AKIRIN1: variants seen among roughly 807,000 people sequenced by gnomAD.
AKIRIN1 encodes akirin 1.
In AKIRIN1, 4 loss-of-function variants were observed where a neutral mutation model predicts 25.9. The observed-to-expected ratio is 0.15, with a 90% CI of 0.08 to 0.35. The LOEUF is 0.35. AKIRIN1 is among the 10% of genes least tolerant of loss of function. The pLI is 1.00. For missense variants in AKIRIN1, 243 were observed against 266.1 expected, an observed-to-expected ratio of 0.91 and a Z score of 0.61; for synonymous variants, 125 against 105.1, an observed-to-expected ratio of 1.19 and a Z score of -1.16.
At chr1:38,998,098 T>A (rs749707363) in intron 1 of AKIRIN1, 73 bp from the exon 2 acceptor site, 1 of 1,487,444 alleles carries the variant, frequency 6.7e-7, no homozygotes, top group African/African-American at 1.4e-5. Flanking sequence ...TCTTTGTCTC[T>A]TCCCACTTCT....
At chr1:38,994,919 A>G (rs972215240) in intron 1 of AKIRIN1, among the ~76,000 whole-genome samples, 2 of 144,708 alleles carry the variant, frequency 1.4e-5, no homozygotes, top group Non-Finnish European at 3.0e-5. Flanking sequence ...CAAACACCTG[A>G]CCTCAGGTGA....
intron 1 of AKIRIN1, among the ~76,000 whole-genome samples, chr1:38,993,644 A>G (rs1391325959): frequency 6.6e-6 from 1 of 150,940 alleles, no homozygotes; most frequent in Non-Finnish European, 1.5e-5. Flanking sequence ...AAAAAAAAAA[A>G]AAAGAGAATG....
intron 3 of AKIRIN1, among the ~76,000 whole-genome samples, chr1:39,002,625 G>T (rs528091204): frequency 6.6e-6 from 1 of 152,232 alleles, no homozygotes; most frequent in South Asian, 2.1e-4. Context: ...AGCTACTCGG[G>T]AGGCTGAGGC....
intron 4 of AKIRIN1, 119 bp downstream of exon 4, chr1:39,003,537 TAA>T: frequency 1.1e-6 from 1 of 877,806 alleles, no homozygotes; most frequent in Non-Finnish European, 1.8e-6. Flanking sequence ...AGCACTATGC[TAA>T]GAGTATTAAA....
intron 3 of AKIRIN1, 92 bp downstream of exon 3, chr1:39,001,198 C>A: frequency 7.0e-7 from 1 of 1,421,370 alleles, no homozygotes. Flanking sequence ...AGTAGGACCT[C>A]ATGCAAGGGA....
At position 39,003,978 on chromosome 1, in the gene AKIRIN1, T is replaced by A. The variant is rs1644013571; in HGVS notation, c.569-67T>A. 27 of 1,440,114 alleles carry A rather than the reference T, an allele frequency of 1.9e-5. No individual in the cohort carries two copies. In the South Asian group the frequency reaches 2.9e-4, roughly 15 times the overall value. 89.2% of individuals were successfully genotyped at this position (1,440,114 alleles called of 1,614,324 possible). ...TTCTCACATTTACTGTTAGTGAAAATTTTTAAAGCATGACACTACAGTTTT... is the reference window on the plus strand; with the variant it reads ...TTCTCACATTTACTGTTAGTGAAAAATTTTAAAGCATGACACTACAGTTTT... On this transcript the variant is annotated intron_variant, in intron 4 of 4. Coordinates refer to ENST00000432648, the MANE Select transcript of AKIRIN1 (RefSeq NM_024595.3).
intron 3 of AKIRIN1, among the ~76,000 whole-genome samples, chr1:39,001,636 C>G (rs1047796452): frequency 6.6e-6 from 1 of 152,184 alleles, no homozygotes; most frequent in African/African-American, 2.4e-5. Flanking sequence ...AGCTCCAGGC[C>G]TCAAGAAGTA....
chr1:39,003,271 A>C, intron 3 of AKIRIN1, 76 bp from the exon 4 acceptor site: 2 of 1,397,170 alleles, frequency 1.4e-6, no homozygotes, highest in Non-Finnish European at 2.0e-6. Context: ...CTGGGAAGCT[A>C]TTTGTGATCC....
chr1:38,993,878 C>G (rs1457656303), intron 1 of AKIRIN1, among the ~76,000 whole-genome samples: 1 of 151,946 alleles, frequency 6.6e-6, no homozygotes, highest in African/African-American at 2.4e-5. Flanking sequence ...CAAGACCACC[C>G]TGACACACAT....
chr1:39,003,531 C>G (rs892464498), intron 4 of AKIRIN1, 113 bp downstream of exon 4: 1 of 952,118 alleles, frequency 1.1e-6, no homozygotes, highest in Non-Finnish European at 1.6e-6. Context: ...GTGCCCAGCA[C>G]TATGCTAAGA....
Position 39,004,393 on chromosome 1 carries a change from G to T in AKIRIN1, c.*338G>T. 2.1e-6 allele frequency: 1 copy of T among 479,052 alleles called. No individual in the cohort carries two copies. The highest frequency in any genetic ancestry group is 2.0e-5 in the South Asian group (1 of 49,886). 29.7% of individuals were successfully genotyped at this position (479,052 alleles called of 1,614,324 possible). A position where few individuals can be genotyped will look rare whatever the true frequency, so the allele number is the denominator to read the frequency against. ...ACAGTTCTGTAAGAAGTGCGTGTGA[G>T]AGTGTGTGTATATGTGTGTATGTGT... On this transcript the variant is annotated 3_prime_UTR_variant, in exon 5 of 5. Transcript: ENST00000432648.
At chr1:38,996,966 T>TA (rs975994401) in intron 1 of AKIRIN1, among the ~76,000 whole-genome samples, 3 of 152,226 alleles carry the variant, frequency 2.0e-5, no homozygotes, top group Non-Finnish European at 4.4e-5. Flanking sequence ...ACATTATTGT[T>TA]ACCTTTAGTT....
intron 1 of AKIRIN1, among the ~76,000 whole-genome samples, chr1:38,993,978 G>A (rs1048360787): frequency 2.0e-5 from 3 of 151,730 alleles, no homozygotes; most frequent in Non-Finnish European, 2.9e-5. Flanking sequence ...GTTGAGGCAG[G>A]AGAATCGCTT....
At chr1:38,994,304 A>G (rs1478945287) in intron 1 of AKIRIN1, among the ~76,000 whole-genome samples, 1 of 152,186 alleles carries the variant, frequency 6.6e-6, no homozygotes, top group Non-Finnish European at 1.5e-5. Context: ...CTCAATCTGT[A>G]TGGTACTTTT....
chr1:38,999,882 T>C (rs1381579872), intron 2 of AKIRIN1, among the ~76,000 whole-genome samples: 1 of 151,780 alleles, frequency 6.6e-6, no homozygotes, highest in African/African-American at 2.4e-5. Context: ...TTGTTTTTTG[T>C]TTTTTGTTTT....
In AKIRIN1 at chr1:38,996,437, C is replaced by A. The variant is rs537199185; in HGVS notation, c.221-1734C>A. The stretch of plus-strand genomic sequence containing the variant: ...CTCGTTATGTTGCCCAGGCTGGCCT[C>A]AAGTGATCCTCCCACCTTGGCCTTC... On this transcript the variant is annotated intron_variant, in intron 1 of 4. Transcript: ENST00000432648. Among the ~76,000 whole-genome samples the A allele has an allele frequency of 4.0e-5, 6 of 149,594 alleles. No homozygotes were observed. The South Asian group carries it at 8.6e-4, about 21-fold the overall frequency.
In AKIRIN1 at chr1:38,993,365, C is replaced by A. The variant is rs551595357; in HGVS notation, c.220+1765C>A. Among the ~76,000 whole-genome samples, 22 of 151,486 alleles carry A rather than the reference C, an allele frequency of 1.5e-4. No homozygotes were observed. The South Asian group carries it at 2.1e-3, about 14-fold the overall frequency. On this transcript the variant is annotated intron_variant, in intron 1 of 4. Coordinates refer to ENST00000432648, the MANE Select transcript of AKIRIN1 (RefSeq NM_024595.3). The stretch of plus-strand genomic sequence containing the variant: ...ACCATCCTGGCCAACATGGTGAAAA[C>A]CCTGTTTCTACTAAAAATAGCCGGG...
rs752796790 is a variant in AKIRIN1 at position 38,998,165 on chromosome 1, T to C, written c.221-6T>C. On this transcript the variant is annotated splice_region_variant and splice_polypyrimidine_tract_variant and intron_variant, in intron 1 of 4. Coordinates refer to ENST00000432648, the MANE Select transcript of AKIRIN1 (RefSeq NM_024595.3). ...TGAAAGCTCAAGTTTGTTTCTTTTT[T>C]ATTAGAGCAAATTTTTCAGAACATA... The C allele has an allele frequency of 3.7e-6, 6 of 1,602,336 alleles. No homozygotes were observed. The South Asian group carries it at 6.8e-5, about 18-fold the overall frequency.
intron 1 of AKIRIN1, among the ~76,000 whole-genome samples, chr1:38,994,070 CAAAA>C (rs796908682): frequency 8.4e-6 from 1 of 119,522 alleles, no homozygotes; most frequent in African/African-American, 3.0e-5. Context: ...AACTCCATCT[CAAAA>C]AAAAAAAAAA....
Sources: allele counts gnomAD v4.1 joint callset (sites outside exome capture counted in the v4.1 genomes callset), GRCh38; gene constraint gnomAD v4.1.1; transcripts MANE v1.5; gene names NCBI Gene and HGNC (gene_info 2026-07-23, HGNC 2026-07-21).